PAIP2B: variants seen among roughly 807,000 people sequenced by gnomAD.
The protein encoded by PAIP2B is poly(A) binding protein interacting protein 2B.
In PAIP2B, 13 loss-of-function variants were observed where a neutral mutation model predicts 17.0. The observed-to-expected ratio is 0.76, with a 90% CI of 0.50 to 1.22. The LOEUF is 1.22. PAIP2B is among the 50% of genes most tolerant of loss of function. The pLI is 0.00. For synonymous variants in PAIP2B, 43 were observed against 48.7 expected, an observed-to-expected ratio of 0.88 and a Z score of 0.48; for missense variants, 117 against 144.5, an observed-to-expected ratio of 0.81 and a Z score of 0.98.
At chr2:71,197,296 T>C (rs1393599987) in intron 2 of PAIP2B, among the ~76,000 whole-genome samples, 1 of 152,218 alleles carries the variant, frequency 6.6e-6, no homozygotes, top group Admixed American at 6.5e-5. Flanking sequence ...TGGATATAAA[T>C]TCTTGGTTGA....
intron 3 of PAIP2B, among the ~76,000 whole-genome samples, chr2:71,189,424 T>C (rs1307728971): frequency 6.6e-6 from 1 of 152,222 alleles, no homozygotes; most frequent in Non-Finnish European, 1.5e-5. Flanking sequence ...TCTTCCAAAA[T>C]GAACAGCTAA....
chr2:71,221,102 T>C (rs1675569723), intron 1 of PAIP2B, among the ~76,000 whole-genome samples: 1 of 152,188 alleles, frequency 6.6e-6, no homozygotes, highest in Non-Finnish European at 1.5e-5. Flanking sequence ...GCCAACAACC[T>C]GAGAATGTTA....
At chr2:71,225,837 A>C (rs1675708110) in intron 1 of PAIP2B, among the ~76,000 whole-genome samples, 1 of 152,204 alleles carries the variant, frequency 6.6e-6, no homozygotes, top group African/African-American at 2.4e-5. Flanking sequence ...AAAAGGGAAC[A>C]GGGAATGTTG....
intron 1 of PAIP2B, among the ~76,000 whole-genome samples, chr2:71,203,694 G>T (rs1479388193): frequency 6.6e-6 from 1 of 150,772 alleles, no homozygotes; most frequent in Non-Finnish European, 1.5e-5. Flanking sequence ...CTTATCTTTT[G>T]TAAAAACATT....
chr2:71,215,413 A>G (rs1455793419), intron 1 of PAIP2B, among the ~76,000 whole-genome samples: 1 of 152,208 alleles, frequency 6.6e-6, no homozygotes, highest in Non-Finnish European at 1.5e-5. Flanking sequence ...TTTTCTAGAA[A>G]ACAGTCTGGG....
rs1381112343 is a variant in PAIP2B, at chr2:71,189,945, C to T, written c.215G>A (p.Trp72Ter). Residue 72 changes from tryptophan to a stop codon, truncating the protein, a stop_gained, in exon 3 of 4, where the codon TGG becomes TAG. Coordinates refer to ENST00000244221, the MANE Select transcript of PAIP2B (RefSeq NM_020459.1). LOFTEE classifies it high-confidence loss of function. Reference protein sequence around the residue: ...QEMLDEEDQDWFIPSRDLPQA... With the variant: ...QEMLDEEDQD ...AGGCAGGTCTCGTGAGGGAATAAAC[C>T]AGTCTTGGTCTTCTTCATCCAGCAT... 1.2e-6 allele frequency: 2 copies of T among 1,609,782 alleles called. No individual in the cohort carries two copies. The highest frequency in any genetic ancestry group is 3.4e-5 in the Admixed American group (2 of 59,496).
chr2:71,201,867 TG>T (rs1237158608), intron 2 of PAIP2B, among the ~76,000 whole-genome samples: 4 of 152,200 alleles, frequency 2.6e-5, no homozygotes, highest in African/African-American at 9.7e-5. Flanking sequence ...ATAGAACCAC[TG>T]GGCTTCCTAG....
chr2:71,204,601 T>C (rs1270079730), intron 1 of PAIP2B, among the ~76,000 whole-genome samples: 1 of 152,184 alleles, frequency 6.6e-6, no homozygotes, highest in African/African-American at 2.4e-5. Context: ...TAAATAAGGC[T>C]ACTAATATGA....
chr2:71,218,834 A>G (rs1675500567), intron 1 of PAIP2B, among the ~76,000 whole-genome samples: 1 of 152,196 alleles, frequency 6.6e-6, no homozygotes, highest in Non-Finnish European at 1.5e-5. Flanking sequence ...TCTACTTTTA[A>G]AAATGTTTAT....
chr2:71,205,186 T>A (rs1558777832), intron 1 of PAIP2B, among the ~76,000 whole-genome samples: 1 of 152,176 alleles, frequency 6.6e-6, no homozygotes, highest in African/African-American at 2.4e-5. Flanking sequence ...GTTAATGAAC[T>A]TAACGCAAAT....
intron 1 of PAIP2B, among the ~76,000 whole-genome samples, chr2:71,209,633 C>G (rs757804406): frequency 7.9e-5 from 12 of 152,152 alleles, no homozygotes; most frequent in Non-Finnish European, 1.3e-4. Flanking sequence ...GCTTATACCC[C>G]CCAAGTGTAA....
At chr2:71,224,419 A>C (rs1162874997) in intron 1 of PAIP2B, among the ~76,000 whole-genome samples, 1 of 152,214 alleles carries the variant, frequency 6.6e-6, no homozygotes, top group Non-Finnish European at 1.5e-5. Flanking sequence ...GAATATAACT[A>C]CTGCAAATAA....
chr2:71,198,668 G>A (rs921159047), intron 2 of PAIP2B, among the ~76,000 whole-genome samples: 4 of 152,006 alleles, frequency 2.6e-5, no homozygotes, highest in Non-Finnish European at 4.4e-5. Context: ...GGTGATCCCC[G>A]CCTCAGCCTC....
chr2:71,226,652 T>G (rs1675737397), intron 1 of PAIP2B, among the ~76,000 whole-genome samples: 3 of 142,728 alleles, frequency 2.1e-5, no homozygotes, highest in East Asian at 2.1e-4. Flanking sequence ...TGGGTGGGAG[T>G]CGGGGGGAAA....
At chr2:71,219,548 C>G (rs1675524139) in intron 1 of PAIP2B, among the ~76,000 whole-genome samples, 2 of 152,142 alleles carry the variant, frequency 1.3e-5, no homozygotes, top group African/African-American at 4.8e-5. Context: ...AAAGGAAAGG[C>G]TGATTCCCCA....
chr2:71,217,258 C>T (rs1199949282), intron 1 of PAIP2B, among the ~76,000 whole-genome samples: 2 of 152,160 alleles, frequency 1.3e-5, no homozygotes, highest in African/African-American at 4.8e-5. Flanking sequence ...CTCAGCCTCC[C>T]GAGTAGCTGG....
rs1348238363 is a variant in PAIP2B at position 71,190,146 on chromosome 2, G to A, written c.139-125C>T. 9.2e-6 allele frequency: 9 copies of A among 983,074 alleles called. No homozygotes were observed. In the East Asian group the frequency reaches 2.2e-4, roughly 24 times the overall value. 60.9% of individuals were successfully genotyped at this position (983,074 alleles called of 1,614,324 possible). A position where few individuals can be genotyped will look rare whatever the true frequency, so the allele number is the denominator to read the frequency against. ...AATTAAGAATGATCTTGAGCTGGGT[G>A]TGGTGGCTCACAACTGTAATCCCAG... On this transcript the variant is annotated intron_variant, in intron 2 of 3. Coordinates refer to ENST00000244221, the MANE Select transcript of PAIP2B (RefSeq NM_020459.1).
chr2:71,204,966 GT>G (rs78827115), intron 1 of PAIP2B, among the ~76,000 whole-genome samples: 1 of 149,762 alleles, frequency 6.7e-6, no homozygotes, highest in Non-Finnish European at 1.5e-5. Context: ...TCAGAGTTCA[GT>G]TTTTTTAAAA....
intron 3 of PAIP2B, among the ~76,000 whole-genome samples, chr2:71,188,812 C>T (rs1200787774): frequency 1.3e-5 from 2 of 152,120 alleles, no homozygotes; most frequent in South Asian, 2.1e-4. Context: ...TTTTTCAATT[C>T]ACTGAGTACC....
Sources: allele counts gnomAD v4.1 joint callset (sites outside exome capture counted in the v4.1 genomes callset), GRCh38; gene constraint gnomAD v4.1.1; transcripts MANE v1.5; gene names NCBI Gene and HGNC (gene_info 2026-07-23, HGNC 2026-07-21).